EPHA5: variants seen among roughly 807,000 people sequenced by gnomAD.
EPHA5 encodes the protein EPH receptor A5, also known as ephrin type-A receptor 5.
In EPHA5, 60 loss-of-function variants were observed where a neutral mutation model predicts 105.0. The observed-to-expected ratio is 0.57, with a 90% confidence interval of 0.46 to 0.71. The LOEUF (loss-of-function observed/expected upper bound fraction) is 0.71. EPHA5 is among the 30% of genes least tolerant of loss of function. The probability of loss-of-function intolerance (pLI) is 0.00; values close to 1 mark genes in which losing one functional copy is unlikely to be tolerated. For missense variants in EPHA5, 1,218 were observed against 1,274.7 expected (o/e 0.96, Z 0.68); for synonymous variants, 513 against 449.1 (o/e 1.14, Z -1.80).
Position 65,607,460 on chromosome 4 carries a change from C to A in EPHA5, c.247-5156G>T, listed in dbSNP as rs188489934. ...GGGCTAATATCCAGAATCTACCCCC[C>A]AAAAAATACAAAAACAAACAAACAA... On this transcript the variant is annotated intron_variant, in intron 2 of 16. Coordinates refer to ENST00000613740, the MANE Select transcript of EPHA5 (RefSeq NM_001281766.3). 4.0e-3 allele frequency among the ~76,000 whole-genome samples: 563 copies of A among 142,438 alleles called. 8 individuals carry two copies. Among genetic ancestry groups the A allele is most frequent in the South Asian group, 0.022 (92 of 4,210 alleles). The allele number at this position is 142,438 out of a possible 152,430, so 93.4% of individuals were successfully genotyped here. A position where few individuals can be genotyped will look rare whatever the true frequency, so the allele number is the denominator to read the frequency against.
intron 5 of EPHA5, among the ~76,000 whole-genome samples, chr4:65,485,030 G>A (rs976790198): frequency 6.6e-6 from 1 of 151,556 alleles, no homozygotes; most frequent in Non-Finnish European, 1.5e-5. Context: ...GTGTAAGAAT[G>A]TATTATATAT....
chr4:65,492,450 C>T (rs1055649006), intron 4 of EPHA5, among the ~76,000 whole-genome samples: 1 of 151,284 alleles, frequency 6.6e-6, no homozygotes, highest in Non-Finnish European at 1.5e-5. Flanking sequence ...GATCCACCCG[C>T]CTGGGCCTCC....
At chr4:65,339,409 A>AATAGTTATTTGTG (rs1240139490) in intron 14 of EPHA5, among the ~76,000 whole-genome samples, 2 of 152,114 alleles carry the variant, frequency 1.3e-5, no homozygotes, top group African/African-American at 4.8e-5. Context: ...AACTATCACA[A>AATAGTTATTTGTG]ATAGTTAAGT....
At chr4:65,632,872 T>C (rs566735178) in intron 2 of EPHA5, among the ~76,000 whole-genome samples, 2 of 152,180 alleles carry the variant, frequency 1.3e-5, no homozygotes, top group African/African-American at 2.4e-5. Flanking sequence ...AAAATGATTA[T>C]CATTAAGATG....
intron 5 of EPHA5, among the ~76,000 whole-genome samples, chr4:65,486,665 TA>T (rs1043862473): frequency 5.9e-5 from 9 of 152,250 alleles, no homozygotes; most frequent in Admixed American, 3.9e-4. Context: ...ATTTAATTCT[TA>T]AAAGATATTT....
At chr4:65,381,089 A>G (rs977639171) in intron 8 of EPHA5, among the ~76,000 whole-genome samples, 1 of 151,744 alleles carries the variant, frequency 6.6e-6, no homozygotes, top group Non-Finnish European at 1.5e-5. Flanking sequence ...CACAGTCAGC[A>G]CTTAGAAAGT....
intron 3 of EPHA5, among the ~76,000 whole-genome samples, chr4:65,580,722 A>G (rs1272568591): frequency 6.6e-6 from 1 of 151,700 alleles, no homozygotes; most frequent in African/African-American, 2.4e-5. Flanking sequence ...ACAAAAGTTG[A>G]GCATAAAAGA....
At position 65,351,414 on chromosome 4, in the gene EPHA5, T is replaced by A. The variant is rs374985302; in HGVS notation, c.2420A>T (p.Asp807Val). 2.2e-5 allele frequency: 36 copies of A among 1,613,612 alleles called. No individual in the cohort carries two copies. Among genetic ancestry groups the A allele is most frequent in the Middle Eastern group, 1.6e-4 (1 of 6,082 alleles). Residue 807 changes from aspartate (D) to valine (V), a missense_variant, in exon 13 of 17, where the codon GAT (aspartate) becomes GTT (valine). Transcript: ENST00000613740. ...DFGLSRVLED[D>V]PEAAYTTRGG... ...CCTTGTGGTGTAGGCTGCCTCGGGATCATCTTCCAGTACCCGGGAAAGTCC... is the reference window on the plus strand; with the variant it reads ...CCTTGTGGTGTAGGCTGCCTCGGGAACATCTTCCAGTACCCGGGAAAGTCC...
At chr4:65,328,774 ATGT>A (rs1338866836) in intron 16 of EPHA5, among the ~76,000 whole-genome samples, 1 of 151,118 alleles carries the variant, frequency 6.6e-6, no homozygotes, top group Non-Finnish European at 1.5e-5. Context: ...AATGGAAGAG[ATGT>A]TGTCAGGGCT....
chr4:65,470,893 T>C (rs1276230740), intron 5 of EPHA5, among the ~76,000 whole-genome samples: 1 of 152,166 alleles, frequency 6.6e-6, no homozygotes, highest in African/African-American at 2.4e-5. Flanking sequence ...ATAGACAATA[T>C]TGAAACCCTA....
At chr4:65,567,783 T>C (rs1578442953) in intron 3 of EPHA5, among the ~76,000 whole-genome samples, 1 of 151,676 alleles carries the variant, frequency 6.6e-6, no homozygotes, top group South Asian at 2.1e-4. Context: ...TGGATCTTTC[T>C]ACAGTGGGGA....
chr4:65,587,345 A>G (rs1050188374), intron 3 of EPHA5, among the ~76,000 whole-genome samples: 1 of 152,140 alleles, frequency 6.6e-6, no homozygotes, highest in Non-Finnish European at 1.5e-5. Context: ...ACCTCCAAAC[A>G]AAACAAAAAC....
chr4:65,511,684 A>G (rs985997316), intron 3 of EPHA5, among the ~76,000 whole-genome samples: 1 of 152,202 alleles, frequency 6.6e-6, no homozygotes, highest in Non-Finnish European at 1.5e-5. Flanking sequence ...AGTTTTGTAA[A>G]TCTTAGCTCA....
chr4:65,334,617 C>G (rs1228712870), intron 15 of EPHA5, among the ~76,000 whole-genome samples: 1 of 151,878 alleles, frequency 6.6e-6, no homozygotes, highest in Non-Finnish European at 1.5e-5. Flanking sequence ...TCAGGATATG[C>G]ACATGACTGA....
At chr4:65,632,075 C>T (rs1746690184) in intron 2 of EPHA5, among the ~76,000 whole-genome samples, 1 of 152,028 alleles carries the variant, frequency 6.6e-6, no homozygotes, top group South Asian at 2.1e-4. Flanking sequence ...TTATAACAAC[C>T]TTGTACAGTA....
At chr4:65,400,021 TA>T (rs1319813930) in intron 8 of EPHA5, among the ~76,000 whole-genome samples, 2 of 151,928 alleles carry the variant, frequency 1.3e-5, no homozygotes, top group African/African-American at 4.8e-5. Context: ...CACAGATAAA[TA>T]AAAAAGTCAA....
At chr4:65,591,249 T>A (rs748421987) in intron 3 of EPHA5, among the ~76,000 whole-genome samples, 49 of 152,112 alleles carry the variant, frequency 3.2e-4, no homozygotes, top group Non-Finnish European at 6.3e-4. Flanking sequence ...AATATTTACA[T>A]CTGTATTATA....
At chr4:65,556,125 A>G (rs1311691440) in intron 3 of EPHA5, among the ~76,000 whole-genome samples, 2 of 152,194 alleles carry the variant, frequency 1.3e-5, no homozygotes, top group Non-Finnish European at 2.9e-5. Context: ...ATCAGTAGCC[A>G]GTTCTGGTAT....
chr4:65,497,589 T>C (rs1273460821), intron 3 of EPHA5, among the ~76,000 whole-genome samples: 2 of 152,070 alleles, frequency 1.3e-5, no homozygotes, highest in African/African-American at 4.8e-5. Context: ...AGTAAAACCA[T>C]TCTCACTTTA....
Sources: allele counts gnomAD v4.1 joint callset (sites outside exome capture counted in the v4.1 genomes callset), GRCh38; gene constraint gnomAD v4.1.1; transcripts MANE v1.5; gene names NCBI Gene and HGNC (gene_info 2026-07-23, HGNC 2026-07-21).